Variants in GRIN2B observed in about 807,000 individuals in gnomAD.
GRIN2B encodes glutamate receptor ionotropic, NMDA 2B.
In GRIN2B, 5 loss-of-function variants were observed where a neutral mutation model predicts 114.5. The ratio of observed to expected loss-of-function variants is 0.04; its 90% CI spans 0.02 to 0.09. The LOEUF is 0.09. GRIN2B is among the 10% of genes least tolerant of loss of function. The probability of loss-of-function intolerance (pLI) is 1.00; values close to 1 mark genes in which losing one functional copy is unlikely to be tolerated. For synonymous variants in GRIN2B, 787 were observed against 745.1 expected (o/e 1.06, Z -0.92); for missense variants, 1,108 against 1,943.5 (o/e 0.57, Z 8.08).
chr12:13,822,256 A>G (rs1864953844), intron 3 of GRIN2B, among the ~76,000 whole-genome samples: 1 of 152,162 alleles, frequency 6.6e-6, no homozygotes. Flanking sequence ...CTCTTCTAAT[A>G]TAATAGGTCA....
At position 13,546,332 on chromosome 12, in the gene GRIN2B, G is replaced by A. The variant is rs2136383203; in HGVS notation, c.*16451C>T. 6.6e-6 allele frequency: 1 copy of A among 152,302 alleles called. No homozygotes were observed. Among genetic ancestry groups the A allele is most frequent in the East Asian group, 1.9e-4 (1 of 5,194 alleles). The allele number at this position is 152,302 out of a possible 1,614,324, so 9.4% of individuals were successfully genotyped here. A position where few individuals can be genotyped will look rare whatever the true frequency, so the allele number is the denominator to read the frequency against. The stretch of plus-strand genomic sequence containing the variant: ...GAATCGAGCTACAATGCTTATCAAT[G>A]TCTGTCTGGAAGAAAGCCTACGTCT... On this transcript the variant is annotated 3_prime_UTR_variant, in exon 14 of 14. Coordinates refer to ENST00000609686, the MANE Select transcript of GRIN2B (RefSeq NM_000834.5).
chr12:13,742,904 T>A (rs1863310587), intron 4 of GRIN2B, among the ~76,000 whole-genome samples: 1 of 152,206 alleles, frequency 6.6e-6, no homozygotes, highest in African/African-American at 2.4e-5. Context: ...TGATTTACCT[T>A]CCTTCCTTTC....
intron 3 of GRIN2B, among the ~76,000 whole-genome samples, chr12:13,835,635 T>G (rs1224442448): frequency 2.0e-5 from 3 of 151,318 alleles, no homozygotes; most frequent in Non-Finnish European, 4.4e-5. Context: ...GGAGAGAACA[T>G]CAGGAAGGCA....
chr12:13,628,798 C>A (rs569625725), intron 5 of GRIN2B, among the ~76,000 whole-genome samples: 2 of 152,254 alleles, frequency 1.3e-5, no homozygotes, highest in Admixed American at 6.5e-5. Context: ...GACCACAAAT[C>A]TGAATGTAAA....
intron 10 of GRIN2B, among the ~76,000 whole-genome samples, chr12:13,606,767 C>T (rs1194261706): frequency 1.3e-5 from 2 of 151,490 alleles, no homozygotes; most frequent in Non-Finnish European, 2.9e-5. Flanking sequence ...TAGTTAGGGT[C>T]GTGATGAAAG....
At chr12:13,952,593 C>T (rs1867507044) in intron 2 of GRIN2B, among the ~76,000 whole-genome samples, 1 of 152,066 alleles carries the variant, frequency 6.6e-6, no homozygotes, top group African/African-American at 2.4e-5. Context: ...ATCACTTGCC[C>T]CCGTCTTTCT....
At chr12:13,633,683 C>T (rs960063534) in intron 5 of GRIN2B, among the ~76,000 whole-genome samples, 1 of 152,150 alleles carries the variant, frequency 6.6e-6, no homozygotes, top group Non-Finnish European at 1.5e-5. Context: ...TTTGCTCCTA[C>T]CTGGTCTTAA....
Position 13,570,026 on chromosome 12 carries a change from G to GA in GRIN2B, c.2172-10dup, listed in dbSNP as rs761900678. 1 of 1,603,342 alleles carries GA rather than the reference G, an allele frequency of 6.2e-7. No individual in the cohort carries two copies. The highest frequency in any genetic ancestry group is 8.5e-7 in the Non-Finnish European group (1 of 1,170,424). Reference sequence around the variant, plus strand: ...TGAAGGCATCCAGTTTCCTGTACAGGAAAAAAGCAAACAAATCCAATGGAG... The same window carrying GA: ...TGAAGGCATCCAGTTTCCTGTACAGGAAAAAAAGCAAACAAATCCAATGGAG... On this transcript the variant is annotated splice_polypyrimidine_tract_variant and intron_variant, in intron 11 of 13. Transcript: ENST00000609686.
At chr12:13,769,484 C>T (rs1016358326) in intron 3 of GRIN2B, among the ~76,000 whole-genome samples, 5 of 152,134 alleles carry the variant, frequency 3.3e-5, no homozygotes, top group African/African-American at 9.7e-5. Context: ...TAAGGGTATA[C>T]ATTTGCAGCA....
At chr12:13,850,503 C>T (rs1865542538) in intron 3 of GRIN2B, among the ~76,000 whole-genome samples, 1 of 152,304 alleles carries the variant, frequency 6.6e-6, no homozygotes, top group South Asian at 2.1e-4. Context: ...CAGGCCCCAT[C>T]AGACTGGGGG....
intron 3 of GRIN2B, among the ~76,000 whole-genome samples, chr12:13,774,765 G>C (rs762181889): frequency 6.6e-6 from 1 of 152,102 alleles, no homozygotes; most frequent in East Asian, 1.9e-4. Context: ...CATATAAAAG[G>C]CCCTTTCCTA....
intron 2 of GRIN2B, among the ~76,000 whole-genome samples, chr12:13,959,598 C>T (rs761791469): frequency 3.3e-5 from 5 of 151,954 alleles, no homozygotes; most frequent in Non-Finnish European, 7.4e-5. Flanking sequence ...GAGGGAGAAC[C>T]GGCTGACATT....
intron 4 of GRIN2B, among the ~76,000 whole-genome samples, chr12:13,703,067 G>A (rs1565506350): frequency 6.6e-6 from 1 of 152,264 alleles, no homozygotes; most frequent in South Asian, 2.1e-4. Context: ...GTGCCATGTG[G>A]GTTAAACTGT....
At chr12:13,840,055 G>A (rs1261887387) in intron 3 of GRIN2B, among the ~76,000 whole-genome samples, 2 of 152,128 alleles carry the variant, frequency 1.3e-5, no homozygotes, top group African/African-American at 2.4e-5. Flanking sequence ...TTAGAGTGAG[G>A]GATCAAACCA....
chr12:13,956,161 G>A (rs2136855278), intron 2 of GRIN2B, among the ~76,000 whole-genome samples: 2 of 152,312 alleles, frequency 1.3e-5, no homozygotes, highest in South Asian at 4.1e-4. Context: ...CCAAAGAAAT[G>A]TGTCAAGGGC....
chr12:13,747,186 G>C (rs549546816), intron 4 of GRIN2B, among the ~76,000 whole-genome samples: 2 of 152,318 alleles, frequency 1.3e-5, no homozygotes, highest in East Asian at 3.9e-4. Context: ...TTAGAAGTCA[G>C]CCGCAGAATT....
chr12:13,938,977 G>A lies in GRIN2B; in HGVS notation c.-19+40951C>T, dbSNP rs147833588. On this transcript the variant is annotated intron_variant, in intron 2 of 13. Coordinates refer to ENST00000609686, the MANE Select transcript of GRIN2B (RefSeq NM_000834.5). ...GCCATTACATCAAACTTCAACTTAC[G>A]CTCATTCAGGAAAGAAAGAAAAGAG... 4.6e-5 allele frequency among the ~76,000 whole-genome samples: 7 copies of A among 152,100 alleles called. No homozygotes were observed. The South Asian group carries it at 1.2e-3, about 27-fold the overall frequency.
chr12:13,655,860 G>A (rs1949858657), intron 5 of GRIN2B, among the ~76,000 whole-genome samples: 1 of 152,158 alleles, frequency 6.6e-6, no homozygotes. Context: ...AGTTGCTTGA[G>A]AGAATTGTCT....
chr12:13,595,803 G>C (rs1040869156), intron 10 of GRIN2B, among the ~76,000 whole-genome samples: 2 of 152,194 alleles, frequency 1.3e-5, no homozygotes, highest in African/African-American at 2.4e-5. Flanking sequence ...AGGCAGCCCT[G>C]ATTGGCAGAG....
Sources: gnomAD v4.1 joint callset for allele counts (sites outside exome capture counted in the v4.1 genomes callset) on GRCh38, gnomAD v4.1.1 for gene constraint, MANE v1.5 for transcripts, NCBI Gene and HGNC (gene_info 2026-07-23, HGNC 2026-07-21) for gene names.